Variants in CAPN8 observed in about 807,000 individuals in gnomAD.
CAPN8 encodes calpain-8.
A neutral mutation model predicts 80.9 loss-of-function variants in CAPN8; 87 were observed. The observed-to-expected ratio is 1.07, with a 90% CI of 0.90 to 1.28. The LOEUF is 1.28. CAPN8 is among the 50% of genes most tolerant of loss of function. The pLI is 0.00. For synonymous variants in CAPN8, 299 were observed against 273.8 expected (o/e 1.09, Z -0.91); for missense variants, 757 against 702.0 (o/e 1.08, Z -0.89).
chr1:223,616,132 G>A lies in CAPN8; in HGVS notation c.1149C>T (p.Thr383=), dbSNP rs766632046. The A allele has an allele frequency of 1.3e-6, 2 of 1,548,578 alleles. No homozygotes were observed. The highest frequency in any genetic ancestry group is 2.0e-5 in the Admixed American group (1 of 50,952). ...CCAAACGGATTTTGAACTGGGGATTGGTCCAGTACGTGGCTGGAAGTCACC... is the reference window on the plus strand; with the variant it reads ...CCAAACGGATTTTGAACTGGGGATTAGTCCAGTACGTGGCTGGAAGTCACC... The part of the protein sequence containing the change: ...GCQNYPATYW[T]NPQFKIRLDE... The change falls in exon 10 of 21, where the codon ACC becomes ACT. Residue 383 remains threonine, a synonymous_variant. Transcript: ENST00000366872.
In CAPN8 at chr1:223,628,853, C is replaced by G. The variant is rs1657684972; in HGVS notation, c.308-73G>C. The G allele has an allele frequency of 3.3e-6, 4 of 1,214,576 alleles. No homozygotes were observed. The South Asian group carries it at 4.1e-5, about 13-fold the overall frequency. 75.2% of individuals were successfully genotyped at this position (1,214,576 alleles called of 1,614,324 possible). A position where few individuals can be genotyped will look rare whatever the true frequency, so the allele number is the denominator to read the frequency against. ...GGGCCCTGCTTTCTCTGACCCTGTC[C>G]CATTCAACCCAGAGTCCACGTTGCC... On this transcript the variant is annotated intron_variant, in intron 2 of 20. Coordinates refer to ENST00000366872, the MANE Select transcript of CAPN8 (RefSeq NM_001143962.2).
At chr1:223,542,869 G>A (rs1003832836) in intron 20 of CAPN8, among the ~76,000 whole-genome samples, 3 of 152,050 alleles carry the variant, frequency 2.0e-5, no homozygotes, top group East Asian at 1.9e-4. Context: ...TTGCATCTCC[G>A]AAATTATCTG....
At position 223,624,961 on chromosome 1, in the gene CAPN8, C is replaced by T. The variant is rs542956743; in HGVS notation, c.813+844G>A. 5.2e-3 allele frequency among the ~76,000 whole-genome samples: 789 copies of T among 152,008 alleles called. 7 individuals are homozygous for T. The highest frequency in any genetic ancestry group is 0.018 in the African/African-American group (733 of 41,488). On this transcript the variant is annotated intron_variant, in intron 6 of 20. Transcript: ENST00000366872. ...TACAAAAATTAGCTGGGCGTGGTGG[C>T]GGGCGCCTGTAGTCCCAGCTACTCA...
chr1:223,553,685 G>A, intron 14 of CAPN8, 147 bp downstream of exon 14: 1 of 397,080 alleles, frequency 2.5e-6, no homozygotes, highest in Non-Finnish European at 4.4e-6. Context: ...AGACAGGATG[G>A]TGATGGGCAC....
In CAPN8 at chr1:223,544,909, A is replaced by G. The variant is rs1446823033; in HGVS notation, c.1834-59T>C. 4 of 1,549,694 alleles carry G rather than the reference A, an allele frequency of 2.6e-6. No homozygotes were observed. The East Asian group carries it at 9.8e-5, about 38-fold the overall frequency. On this transcript the variant is annotated intron_variant, in intron 17 of 20. Transcript: ENST00000366872. ...ACCATTCACGGCCCCTGCCAGAACC[A>G]TCTCCCTCCACCACACTGCTTTCTC...
chr1:223,665,682 G>A lies in CAPN8; in HGVS notation c.-36C>T. On this transcript the variant is annotated 5_prime_UTR_variant, in exon 1 of 21. Transcript: ENST00000366872. ...TCTGTAGGGTGGACAGAAGGGCAGG[G>A]CTGCACTGTACTCTCAGACACCTGC... 6.7e-7 allele frequency: 1 copy of A among 1,503,384 alleles called. No individual in the cohort carries two copies. Among genetic ancestry groups the A allele is most frequent in the Non-Finnish European group, 9.1e-7 (1 of 1,104,914 alleles). The allele number at this position is 1,503,384 out of a possible 1,614,324, so 93.1% of individuals were successfully genotyped here.
chr1:223,556,814 A>C, intron 13 of CAPN8, among the ~76,000 whole-genome samples: 1 of 152,108 alleles, frequency 6.6e-6, no homozygotes, highest in Non-Finnish European at 1.5e-5. Flanking sequence ...TCAGCTCCAT[A>C]CTCTACACTG....
chr1:223,619,092 G>A (rs1657295683), intron 9 of CAPN8, among the ~76,000 whole-genome samples: 1 of 152,168 alleles, frequency 6.6e-6, no homozygotes, highest in African/African-American at 2.4e-5. Flanking sequence ...TACTAAGAAG[G>A]CTGAGGTGAG....
intron 2 of CAPN8, chr1:223,644,217 A>G: frequency 2.6e-6 from 1 of 378,060 alleles, no homozygotes; most frequent in Non-Finnish European, 5.1e-6. Context: ...CAACTAATAC[A>G]AGGTTCATAT....
chr1:223,664,750 C>T (rs1421327876), intron 1 of CAPN8, among the ~76,000 whole-genome samples: 1 of 152,184 alleles, frequency 6.6e-6, no homozygotes, highest in Non-Finnish European at 1.5e-5. Context: ...CCACCCTGGG[C>T]AACACAGCAC....
rs1466769444 is a variant in CAPN8 at position 223,609,087 on chromosome 1, A to G, written c.1535+66T>C. ...GAGCTGGGGTGGGTCCTGCACCTGC[A>G]TGGGGCCATTTCCCTTCGTGGGCCC... is the stretch of plus-strand genomic sequence containing the variant. On this transcript the variant is annotated intron_variant, in intron 12 of 20. Transcript: ENST00000366872. The G allele has an allele frequency of 1.0e-5, 4 of 397,582 alleles. No individual in the cohort carries two copies. In the East Asian group the frequency reaches 1.1e-4, roughly 11 times the overall value. The allele number at this position is 397,582 out of a possible 1,614,324, so 24.6% of individuals were successfully genotyped here. A position where few individuals can be genotyped will look rare whatever the true frequency, so the allele number is the denominator to read the frequency against.
intron 2 of CAPN8, among the ~76,000 whole-genome samples, chr1:223,645,032 C>T (rs567421988): frequency 1.2e-4 from 18 of 152,148 alleles, no homozygotes; most frequent in Non-Finnish European, 7.3e-5. Context: ...GAAGCCAGTC[C>T]GAGTCCCAAA....
chr1:223,641,957 G>A (rs535255409), intron 2 of CAPN8, among the ~76,000 whole-genome samples: 15 of 152,218 alleles, frequency 9.9e-5, no homozygotes, highest in East Asian at 5.8e-4. Flanking sequence ...CACAACCAAC[G>A]GTACTTCAAT....
At chr1:223,626,304 C>T (rs143541620) in intron 5 of CAPN8, among the ~76,000 whole-genome samples, 1 of 152,244 alleles carries the variant, frequency 6.6e-6, no homozygotes, top group Non-Finnish European at 1.5e-5. Flanking sequence ...TCTCCCATGC[C>T]CCATACCACC....
At chr1:223,643,196 C>T (rs781537620) in intron 2 of CAPN8, among the ~76,000 whole-genome samples, 29 of 152,188 alleles carry the variant, frequency 1.9e-4, no homozygotes, top group African/African-American at 5.8e-4. Flanking sequence ...CTGAAATACA[C>T]GGGATGAGAT....
At chr1:223,627,982 T>C in intron 4 of CAPN8, 27 bp downstream of exon 4, 2 of 1,513,306 alleles carry the variant, frequency 1.3e-6, no homozygotes, top group Non-Finnish European at 1.8e-6. Flanking sequence ...CTCTGGCGTC[T>C]CCCAGCTCCT....
chr1:223,630,972 G>A (rs931416441), intron 2 of CAPN8, among the ~76,000 whole-genome samples: 4 of 152,038 alleles, frequency 2.6e-5, no homozygotes, highest in African/African-American at 7.2e-5. Context: ...ACCCCTGCTC[G>A]CAACTGTCCT....
chr1:223,662,749 C>G (rs910764650), intron 1 of CAPN8, among the ~76,000 whole-genome samples: 3 of 152,190 alleles, frequency 2.0e-5, no homozygotes, highest in African/African-American at 7.2e-5. Context: ...TCTGGATACC[C>G]TGATCTCTTT....
intron 2 of CAPN8, among the ~76,000 whole-genome samples, chr1:223,643,494 C>T (rs1558353216): frequency 6.6e-6 from 1 of 152,134 alleles, no homozygotes; most frequent in East Asian, 1.9e-4. Context: ...GAGCAGAAAA[C>T]GAGATACTTT....
Sources: allele counts gnomAD v4.1 joint callset (sites outside exome capture counted in the v4.1 genomes callset), GRCh38; gene constraint gnomAD v4.1.1; transcripts MANE v1.5; gene names NCBI Gene and HGNC (gene_info 2026-07-23, HGNC 2026-07-21).